Variants in DPP6 observed in about 807,000 individuals in gnomAD.
DPP6 encodes dipeptidyl peptidase like 6, also known as A-type potassium channel modulatory protein DPP6.
DPP6 carries 69 observed loss-of-function variants against 122.6 expected under a neutral mutation model. The ratio of observed to expected loss-of-function variants is 0.56; its 90% CI spans 0.46 to 0.69. The LOEUF is 0.69. DPP6 is among the 30% of genes least tolerant of loss of function. DPP6 has a pLI of 0.00. For synonymous variants in DPP6, 418 were observed against 433.1 expected, an observed-to-expected ratio of 0.97 and a Z score of 0.43; for missense variants, 928 against 1,116.9, an observed-to-expected ratio of 0.83 and a Z score of 2.41.
chr7:154,016,081 C>T (rs1798396602), intron 1 of DPP6, among the ~76,000 whole-genome samples: 2 of 152,300 alleles, frequency 1.3e-5, no homozygotes, highest in South Asian at 4.1e-4. Context: ...GCTCCTCTGC[C>T]CCGAAGGCTC....
chr7:154,104,144 G>A (rs1345064164), intron 1 of DPP6, among the ~76,000 whole-genome samples: 3 of 152,178 alleles, frequency 2.0e-5, no homozygotes, highest in Admixed American at 6.5e-5. Flanking sequence ...TCACTTCTAC[G>A]TGGCCTCACG....
In DPP6 at chr7:154,241,211, GTGTGTGTGTA is replaced by G. The variant is rs1253904578; in HGVS notation, c.243+188150_243+188159del. 5.3e-5 allele frequency among the ~76,000 whole-genome samples: 8 copies of G among 149,876 alleles called. No homozygotes were observed. The highest frequency in any genetic ancestry group is 3.9e-4 in the East Asian group (2 of 5,172). On this transcript the variant is annotated intron_variant, in intron 1 of 25. Transcript: ENST00000377770. The surrounding 1 kb of genome is among the most constrained non-coding windows in gnomAD (Gnocchi z 9.0). ...TGTGTGTGTGTGTGTGTGTGTGTGTGTGTGTGTGTATATATATATAGAGAGAGAGAGAGAC... is the reference window on the plus strand; with the variant it reads ...TGTGTGTGTGTGTGTGTGTGTGTGTGTATATATATAGAGAGAGAGAGAGAC...
chr7:154,233,515 T>G (rs1018374264), intron 1 of DPP6, among the ~76,000 whole-genome samples: 11 of 152,136 alleles, frequency 7.2e-5, no homozygotes, highest in Admixed American at 2.6e-4. Context: ...TTAGGGTGGG[T>G]CCAATCTAAT....
At chr7:154,123,612 G>A (rs1480399093) in intron 1 of DPP6, among the ~76,000 whole-genome samples, 2 of 152,196 alleles carry the variant, frequency 1.3e-5, no homozygotes, top group African/African-American at 2.4e-5. Context: ...TCACCCCTGG[G>A]TGGGGCCTCT....
chr7:154,311,449 A>G (rs568419119), intron 1 of DPP6, among the ~76,000 whole-genome samples: 2 of 151,966 alleles, frequency 1.3e-5, no homozygotes, highest in East Asian at 3.9e-4. Flanking sequence ...GTGAGCCGTG[A>G]TCACACCGCT....
intron 3 of DPP6, among the ~76,000 whole-genome samples, chr7:154,501,988 C>T (rs1453816878): frequency 1.3e-5 from 2 of 152,176 alleles, no homozygotes; most frequent in Non-Finnish European, 2.9e-5. Context: ...CTTGCATCAA[C>T]ATGACCGAAA....
At chr7:154,405,048 C>A (rs147637900) in intron 1 of DPP6, among the ~76,000 whole-genome samples, 1 of 152,174 alleles carries the variant, frequency 6.6e-6, no homozygotes, top group South Asian at 2.1e-4. Flanking sequence ...TACACATATA[C>A]GTATGCAAAT....
At chr7:153,817,190 A>G in the DPP6 span, among the ~76,000 whole-genome samples, 1 of 147,384 alleles carries the variant, frequency 6.8e-6, no homozygotes, top group African/African-American at 2.5e-5. Flanking sequence ...AACTAAATTT[A>G]GGGGTGTATA....
intron 1 of DPP6, chr7:154,059,418 C>T (rs1465992667): frequency 6.6e-6 from 1 of 151,390 alleles, no homozygotes; most frequent in Non-Finnish European, 1.5e-5. Flanking sequence ...ATCAAATCTT[C>T]CGACGGCAGG....
At chr7:153,791,639 C>T in the DPP6 span, among the ~76,000 whole-genome samples, 31 of 152,176 alleles carry the variant, frequency 2.0e-4, no homozygotes, top group South Asian at 4.2e-4. Context: ...AGACTGGTCT[C>T]GAACTCCTGA....
At chr7:154,655,667 T>C (rs73165067) in intron 6 of DPP6, among the ~76,000 whole-genome samples, 5,524 of 152,270 alleles carry the variant, frequency 0.036, 160 homozygotes, top group African/African-American at 0.071. Context: ...TGGAAAATCA[T>C]TTGATGCGAG....
chr7:154,574,228 GTGTGTGGTGTGGTGTGTA>G (rs1831306173), intron 5 of DPP6, among the ~76,000 whole-genome samples: 1 of 149,916 alleles, frequency 6.7e-6, no homozygotes, highest in African/African-American at 2.5e-5. Context: ...TGTGTGGCGT[GTGTGTGGTGTGGTGTGTA>G]TGTGTGGTGT....
rs551735896 is a variant in DPP6 at position 153,917,484 on chromosome 7, C to T, written c.51+29750C>T. Among the ~76,000 whole-genome samples the T allele has an allele frequency of 1.6e-4, 25 of 152,270 alleles. No individual in the cohort carries two copies. In the East Asian group the frequency reaches 4.6e-3, roughly 28 times the overall value. On this transcript the variant is annotated intron_variant, in intron 1 of 25. Transcript: ENST00000404039. Reference sequence around the variant, plus strand: ...ATGCTGGTGGCAGTTTACCTCCTCCCGCTGTTCCCTCTTCCCTGGCCACTG... The same window carrying T: ...ATGCTGGTGGCAGTTTACCTCCTCCTGCTGTTCCCTCTTCCCTGGCCACTG...
the DPP6 span, among the ~76,000 whole-genome samples, chr7:153,872,713 G>A: frequency 6.6e-6 from 1 of 152,042 alleles, no homozygotes; most frequent in African/African-American, 2.4e-5. Flanking sequence ...TGAGGCATGG[G>A]GGCCCCACAG....
intron 1 of DPP6, among the ~76,000 whole-genome samples, chr7:154,192,565 A>T (rs1241111928): frequency 6.6e-6 from 1 of 152,278 alleles, no homozygotes; most frequent in African/African-American, 2.4e-5. Context: ...AGATTAAGAC[A>T]GGGATAAAGT....
intron 1 of DPP6, among the ~76,000 whole-genome samples, chr7:154,334,822 G>A (rs981793118): frequency 6.6e-6 from 1 of 152,124 alleles, no homozygotes; most frequent in Admixed American, 6.5e-5. Context: ...CTTGAAGCTG[G>A]TAGGCAGAGG....
the DPP6 span, among the ~76,000 whole-genome samples, chr7:153,784,252 A>C: frequency 6.6e-6 from 1 of 152,158 alleles, no homozygotes; most frequent in South Asian, 2.1e-4. Flanking sequence ...TGTTCTGCAA[A>C]CCCTAATTCG....
At chr7:154,115,148 A>G (rs560123604) in intron 1 of DPP6, among the ~76,000 whole-genome samples, 292 of 152,308 alleles carry the variant, frequency 1.9e-3, no homozygotes, top group African/African-American at 6.8e-3. Context: ...CCCTTGGAAC[A>G]GTGCTGCAGT....
At chr7:153,768,924 G>A in the DPP6 span, among the ~76,000 whole-genome samples, 2 of 152,090 alleles carry the variant, frequency 1.3e-5, no homozygotes, top group South Asian at 4.2e-4. Flanking sequence ...ACACCAAACT[G>A]AATAGTAAAT....
Sources: allele counts gnomAD v4.1 joint callset (sites outside exome capture counted in the v4.1 genomes callset), GRCh38; gene constraint gnomAD v4.1.1; non-coding constraint Gnocchi (gnomAD v3.1); transcripts MANE v1.5; gene names NCBI Gene and HGNC (gene_info 2026-07-23, HGNC 2026-07-21).